CCDC192: variants seen among roughly 807,000 people sequenced by gnomAD.
CCDC192 encodes coiled-coil domain-containing protein 192.
chr5:127,738,055 G>C (rs1195661495), intron 2 of CCDC192, among the ~76,000 whole-genome samples: 1 of 152,012 alleles, frequency 6.6e-6, no homozygotes, highest in East Asian at 1.9e-4. Context: ...GCATGATTTT[G>C]CAACAGCTGG....
At chr5:127,789,645 C>T (rs1756752460) in intron 3 of CCDC192, among the ~76,000 whole-genome samples, 2 of 152,212 alleles carry the variant, frequency 1.3e-5, no homozygotes, top group African/African-American at 4.8e-5. Context: ...ATCAGTACTC[C>T]AGCAAGAACA....
intron 6 of CCDC192, among the ~76,000 whole-genome samples, chr5:127,931,300 C>T (rs114832690): frequency 5.8e-4 from 89 of 152,314 alleles, no homozygotes; most frequent in African/African-American, 2.1e-3. Context: ...CAGAAACAAA[C>T]CCCTGAACAC....
At chr5:127,763,448 C>A (rs1436146020) in intron 3 of CCDC192, among the ~76,000 whole-genome samples, 3 of 152,162 alleles carry the variant, frequency 2.0e-5, no homozygotes, top group African/African-American at 7.2e-5. Context: ...TCCAGGCTAC[C>A]TTCTGCAGTG....
intron 3 of CCDC192, among the ~76,000 whole-genome samples, chr5:127,768,823 A>G (rs1413561917): frequency 6.6e-6 from 1 of 152,252 alleles, no homozygotes; most frequent in African/African-American, 2.4e-5. Flanking sequence ...TCTGTGAGCT[A>G]AATCTACATT....
intron 5 of CCDC192, among the ~76,000 whole-genome samples, chr5:127,874,926 G>A (rs760214639): frequency 1.3e-5 from 2 of 152,022 alleles, no homozygotes; most frequent in African/African-American, 2.4e-5. Context: ...CAAAGATTTC[G>A]ATCTCATAAA....
chr5:127,883,344 A>G (rs1752429354), intron 6 of CCDC192, among the ~76,000 whole-genome samples: 1 of 152,224 alleles, frequency 6.6e-6, no homozygotes, highest in South Asian at 2.1e-4. Context: ...AATACACACC[A>G]GCAATTAACA....
chr5:127,784,501 T>A (rs1756422859), intron 3 of CCDC192: 2 of 345,938 alleles, frequency 5.8e-6, no homozygotes, highest in Non-Finnish European at 1.1e-5. Context: ...GTCTCAGCTT[T>A]AAAAAGGGAG....
At position 127,707,401 on chromosome 5, in the gene CCDC192, C is replaced by G. The variant is rs1751032320; in HGVS notation, c.63-308C>G. ...TTCTTAGGAGGTTATGCTTTCCTCT[C>G]CCCACTTTTTTTTTTTTAGTTGAAA... is the stretch of plus-strand genomic sequence containing the variant. On this transcript the variant is annotated intron_variant, in intron 1 of 6. Coordinates refer to ENST00000514853, the MANE Select transcript of CCDC192 (RefSeq NM_001317938.2). Among the ~76,000 whole-genome samples, 4 of 91,002 alleles carry G rather than the reference C, an allele frequency of 4.4e-5. No homozygotes were observed. The South Asian group carries it at 1.2e-3, about 27-fold the overall frequency. The allele number at this position is 91,002 out of a possible 152,430, so 59.7% of individuals were successfully genotyped here.
At chr5:127,799,679 G>A (rs1255567921) in intron 5 of CCDC192, among the ~76,000 whole-genome samples, 1 of 152,140 alleles carries the variant, frequency 6.6e-6, no homozygotes, top group East Asian at 1.9e-4. Flanking sequence ...GTGCCTTAGG[G>A]AAATTCCTAT....
intron 5 of CCDC192, among the ~76,000 whole-genome samples, chr5:127,826,540 T>A (rs1018983994): frequency 6.6e-6 from 1 of 151,162 alleles, no homozygotes; most frequent in African/African-American, 2.4e-5. Context: ...CAACAGTGGA[T>A]TGGATAAAGA....
At chr5:127,907,024 T>C (rs1374276011) in intron 6 of CCDC192, among the ~76,000 whole-genome samples, 2 of 152,224 alleles carry the variant, frequency 1.3e-5, no homozygotes, top group African/African-American at 2.4e-5. Flanking sequence ...CTTTGGTTTT[T>C]GTTTTTTTGT....
At chr5:127,896,496 C>T (rs753204787) in intron 6 of CCDC192, among the ~76,000 whole-genome samples, 12 of 151,630 alleles carry the variant, frequency 7.9e-5, no homozygotes, top group Non-Finnish European at 1.3e-4. Context: ...TGCAACACTG[C>T]GAACTCGGCT....
At chr5:127,726,466 C>G (rs1364350555) in intron 2 of CCDC192, among the ~76,000 whole-genome samples, 1 of 152,170 alleles carries the variant, frequency 6.6e-6, no homozygotes, top group Non-Finnish European at 1.5e-5. Context: ...CTGGTAGCCC[C>G]AGTACACAAT....
chr5:127,917,169 A>C (rs762971994), intron 6 of CCDC192, among the ~76,000 whole-genome samples: 1 of 152,122 alleles, frequency 6.6e-6, no homozygotes, highest in East Asian at 1.9e-4. Flanking sequence ...CAGCTTTTCT[A>C]CTTCAGCTTC....
intron 2 of CCDC192, among the ~76,000 whole-genome samples, chr5:127,743,603 C>CTGG (rs1399820112): frequency 1.3e-5 from 2 of 152,286 alleles, no homozygotes; most frequent in African/African-American, 4.8e-5. Context: ...GGGCCACCAC[C>CTGG]TGCTCAGCCA....
intron 5 of CCDC192, among the ~76,000 whole-genome samples, chr5:127,809,759 A>G (rs1029350694): frequency 1.3e-5 from 2 of 152,186 alleles, no homozygotes; most frequent in African/African-American, 2.4e-5. Flanking sequence ...AGTAATGTAG[A>G]AGAGGGAAGA....
intron 5 of CCDC192, among the ~76,000 whole-genome samples, chr5:127,827,617 G>A (rs1217101181): frequency 3.3e-5 from 5 of 152,064 alleles, no homozygotes; most frequent in South Asian, 2.1e-4. Context: ...CGTGGTCTGC[G>A]GAAGAACGCC....
intron 5 of CCDC192, among the ~76,000 whole-genome samples, chr5:127,822,953 C>G (rs1287203189): frequency 6.6e-6 from 1 of 152,122 alleles, no homozygotes; most frequent in African/African-American, 2.4e-5. Flanking sequence ...GGTCTTAAGA[C>G]AAGGTTTCCA....
At chr5:127,711,393 A>G (rs1248771555) in intron 2 of CCDC192, among the ~76,000 whole-genome samples, 1 of 152,224 alleles carries the variant, frequency 6.6e-6, no homozygotes, top group Non-Finnish European at 1.5e-5. Context: ...TGTAAGATCA[A>G]ATAATAGCCC....
Sources: gnomAD v4.1 joint callset for allele counts (sites outside exome capture counted in the v4.1 genomes callset) on GRCh38, gnomAD v4.1.1 for gene constraint, MANE v1.5 for transcripts, NCBI Gene and HGNC (gene_info 2026-07-23, HGNC 2026-07-21) for gene names.